Variants in DYNC2H1 observed in about 807,000 individuals in gnomAD.
DYNC2H1 encodes the protein dynein cytoplasmic 2 heavy chain 1.
Under a neutral mutation model 570.0 loss-of-function variants are expected in DYNC2H1, and 410 were observed. The ratio of observed to expected loss-of-function variants is 0.72; its 90% CI spans 0.66 to 0.78. The LOEUF is 0.78. Ranked by LOEUF, DYNC2H1 falls within the 30% of genes least tolerant of loss-of-function variation. The pLI, the probability that DYNC2H1 is intolerant of heterozygous loss-of-function variation, is 0.00. For missense variants in DYNC2H1, 4,865 were observed against 5,046.4 expected, an observed-to-expected ratio of 0.96 and a Z score of 1.09; for synonymous variants, 1,688 against 1,677.6, an observed-to-expected ratio of 1.01 and a Z score of -0.15.
At chr11:103,412,697 CTTTTAA>C (rs925310625) in intron 84 of DYNC2H1, among the ~76,000 whole-genome samples, 2 of 152,038 alleles carry the variant, frequency 1.3e-5, no homozygotes, top group African/African-American at 2.4e-5. Flanking sequence ...GATCCTGTGT[CTTTTAA>C]TAATTTTCAA....
At chr11:103,250,331 A>G (rs1387295354) in intron 65 of DYNC2H1, among the ~76,000 whole-genome samples, 1 of 151,902 alleles carries the variant, frequency 6.6e-6, no homozygotes, top group Non-Finnish European at 1.5e-5. Context: ...AATCTTTTCA[A>G]AATACCAACT....
chr11:103,285,062 G>C (rs1450767896), intron 73 of DYNC2H1, among the ~76,000 whole-genome samples: 1 of 152,202 alleles, frequency 6.6e-6, no homozygotes, highest in African/African-American at 2.4e-5. Flanking sequence ...TTTACAAATA[G>C]AGACATAAAC....
chr11:103,295,936 G>A (rs952315466), intron 75 of DYNC2H1, among the ~76,000 whole-genome samples: 7 of 152,064 alleles, frequency 4.6e-5, no homozygotes, highest in African/African-American at 7.2e-5. Context: ...GCTTTACTCC[G>A]AGGTCTCTCT....
At chr11:103,293,280 G>A (rs1866687566) in intron 75 of DYNC2H1, among the ~76,000 whole-genome samples, 1 of 152,094 alleles carries the variant, frequency 6.6e-6, no homozygotes, top group South Asian at 2.1e-4. Flanking sequence ...ACTGAGAAAT[G>A]TGCTGCCAGA....
At chr11:103,235,843 A>C in intron 62 of DYNC2H1, 30 bp downstream of exon 62, 1 of 1,607,248 alleles carries the variant, frequency 6.2e-7, no homozygotes, top group Non-Finnish European at 8.5e-7. Context: ...TGATCTTGAG[A>C]GTTTGTATTT....
chr11:103,287,592 A>T lies in DYNC2H1; in HGVS notation c.11082A>T (p.Ala3694=). Residue 3694 remains alanine, a synonymous_variant, in exon 75 of 89, where the codon GCA becomes GCT. Coordinates refer to ENST00000375735, the MANE Select transcript of DYNC2H1 (RefSeq NM_001377.3). ...TGCAAAGTGCCATGGCTCTTTTTGC[A>T]TGTAAAACTCTGGGTAAGTGTGATG... ...DRLQSAMALF[A]CKTLGLKEVS... is the part of the protein sequence containing the mutation. The T allele has an allele frequency of 6.2e-7, 1 of 1,611,860 alleles. No homozygotes were observed. The highest frequency in any genetic ancestry group is 8.5e-7 in the Non-Finnish European group (1 of 1,178,880).
intron 6 of DYNC2H1, among the ~76,000 whole-genome samples, chr11:103,119,684 C>G (rs1164824459): frequency 6.6e-6 from 1 of 152,126 alleles, no homozygotes; most frequent in African/African-American, 2.4e-5. Flanking sequence ...CAAAAATGTT[C>G]CAGCCCAGCC....
intron 21 of DYNC2H1, among the ~76,000 whole-genome samples, chr11:103,152,996 C>CA (rs767363445): frequency 3.3e-5 from 5 of 152,116 alleles, no homozygotes; most frequent in Admixed American, 6.6e-5. Flanking sequence ...AGTCATCAAA[C>CA]AAACATTTTA....
chr11:103,377,198 T>G (rs149949570), intron 83 of DYNC2H1, among the ~76,000 whole-genome samples: 1,690 of 152,292 alleles, frequency 0.011, 34 homozygotes, highest in African/African-American at 0.039. Flanking sequence ...TGAAATAGAT[T>G]TTCTGTGACC....
intron 85 of DYNC2H1, among the ~76,000 whole-genome samples, chr11:103,445,683 G>A (rs187250389): frequency 2.0e-5 from 3 of 152,106 alleles, no homozygotes; most frequent in African/African-American, 7.2e-5. Context: ...ACGGAGTCTC[G>A]CTCTGTTGCC....
At chr11:103,384,992 G>T (rs1159676433) in intron 83 of DYNC2H1, among the ~76,000 whole-genome samples, 4 of 152,168 alleles carry the variant, frequency 2.6e-5, no homozygotes, top group African/African-American at 7.2e-5. Context: ...TATACTGAAG[G>T]TAGATTTGAG....
At chr11:103,359,313 C>A (rs1053498074) in intron 83 of DYNC2H1, among the ~76,000 whole-genome samples, 2 of 152,118 alleles carry the variant, frequency 1.3e-5, no homozygotes, top group Admixed American at 1.3e-4. Flanking sequence ...TCTACTAAGC[C>A]ACTTTTTTTT....
At chr11:103,190,441 A>G (rs965867812) in intron 45 of DYNC2H1, among the ~76,000 whole-genome samples, 2 of 152,232 alleles carry the variant, frequency 1.3e-5, no homozygotes, top group Non-Finnish European at 1.5e-5. Context: ...TCTAACTTAC[A>G]GAGATAGCAC....
intron 83 of DYNC2H1, among the ~76,000 whole-genome samples, chr11:103,380,221 C>A (rs772422772): frequency 6.6e-6 from 1 of 152,146 alleles, no homozygotes; most frequent in East Asian, 1.9e-4. Context: ...TGTAAACAGT[C>A]GAGATAACTC....
At chr11:103,146,240 A>C (rs917047634) in intron 18 of DYNC2H1, among the ~76,000 whole-genome samples, 3 of 152,346 alleles carry the variant, frequency 2.0e-5, no homozygotes, top group African/African-American at 7.2e-5. Flanking sequence ...CCTCTTAAGG[A>C]TCTCACCTGG....
intron 84 of DYNC2H1, among the ~76,000 whole-genome samples, chr11:103,421,946 G>C (rs137970611): frequency 1.4e-3 from 207 of 150,132 alleles, no homozygotes; most frequent in African/African-American, 4.8e-3. Flanking sequence ...CCACTAGCTA[G>C]AATAATAAAG....
intron 82 of DYNC2H1, among the ~76,000 whole-genome samples, chr11:103,341,080 G>A (rs1447829568): frequency 1.3e-5 from 2 of 152,082 alleles, no homozygotes; most frequent in Non-Finnish European, 2.9e-5. Context: ...TGACAAGGCT[G>A]TGTACTTGAT....
chr11:103,479,422 T>A lies in DYNC2H1; in HGVS notation c.*169T>A. On this transcript the variant is annotated 3_prime_UTR_variant, in exon 89 of 89. Coordinates refer to ENST00000375735, the MANE Select transcript of DYNC2H1 (RefSeq NM_001377.3). ...ATGTGTAAAAGCAGCACTGTGCATCTTTTAAAGTAATAAATTAATGGAGTT... is the reference window on the plus strand; with the variant it reads ...ATGTGTAAAAGCAGCACTGTGCATCATTTAAAGTAATAAATTAATGGAGTT... 1.7e-6 allele frequency: 1 copy of A among 573,760 alleles called. No homozygotes were observed. Among genetic ancestry groups the A allele is most frequent in the Non-Finnish European group, 2.7e-6 (1 of 371,882 alleles). The allele number at this position is 573,760 out of a possible 1,614,324, so 35.5% of individuals were successfully genotyped here. A position where few individuals can be genotyped will look rare whatever the true frequency, so the allele number is the denominator to read the frequency against.
chr11:103,202,710 G>A (rs765399524), intron 50 of DYNC2H1, among the ~76,000 whole-genome samples: 26 of 152,104 alleles, frequency 1.7e-4, no homozygotes, highest in Middle Eastern at 3.4e-3. Flanking sequence ...GCATTATTTT[G>A]GATGTGTAGC....
Sources: gnomAD v4.1 joint callset for allele counts (sites outside exome capture counted in the v4.1 genomes callset) on GRCh38, gnomAD v4.1.1 for gene constraint, MANE v1.5 for transcripts, NCBI Gene and HGNC (gene_info 2026-07-23, HGNC 2026-07-21) for gene names.